The following ANXA6 variants were observed in gnomAD, a reference collection of about 807,000 sequenced individuals.
ANXA6 encodes annexin A6, also known as 67 kDa calelectrin.
A neutral mutation model predicts 95.4 loss-of-function variants in ANXA6; 71 were observed. The ratio of observed to expected loss-of-function variants is 0.74; its 90% confidence interval spans 0.61 to 0.91. The LOEUF is 0.91. Ranked by LOEUF, ANXA6 falls within the 40% of genes least tolerant of loss-of-function variation. The probability of loss-of-function intolerance (pLI) is 0.00; values close to 1 mark genes in which losing one functional copy is unlikely to be tolerated. For synonymous variants in ANXA6, 289 were observed against 315.9 expected (o/e 0.91, Z 0.90); for missense variants, 830 against 876.4 (o/e 0.95, Z 0.67).
chr5:151,147,957 C>T (rs1433675608), intron 1 of ANXA6, 31 bp from the exon 2 acceptor site: 2 of 1,565,840 alleles, frequency 1.3e-6, no homozygotes, highest in East Asian at 2.3e-5. Flanking sequence ...ATGTGAGATT[C>T]CCCCCAACTC....
chr5:151,122,373 TTG>T (rs2113916429), intron 16 of ANXA6, 113 bp from the exon 17 acceptor site: 7 of 652,304 alleles, frequency 1.1e-5, no homozygotes, highest in Non-Finnish European at 1.8e-5. Context: ...TCATGGAAGC[TTG>T]TGTCTGTCTT....
rs912733266 is a variant in ANXA6 at position 151,136,251 on chromosome 5, C to T, written c.489+5G>A. 3.1e-6 allele frequency: 5 copies of T among 1,613,710 alleles called. No individual in the cohort carries two copies. The South Asian group carries it at 3.3e-5, about 11-fold the overall frequency. On this transcript the variant is annotated splice_donor_5th_base_variant and intron_variant, in intron 7 of 25. Transcript: ENST00000354546. ...CCAGAGGAAAAAAATAGGCTGTGAACCAACCTGGAGCAGGACCACAAGCAT... is the reference window on the plus strand; with the variant it reads ...CCAGAGGAAAAAAATAGGCTGTGAATCAACCTGGAGCAGGACCACAAGCAT...
chr5:151,157,142 A>G (rs1168513525), intron 1 of ANXA6, among the ~76,000 whole-genome samples: 1 of 152,142 alleles, frequency 6.6e-6, no homozygotes, highest in Non-Finnish European at 1.5e-5. Context: ...ATGGGGTCCA[A>G]TGAGGCCCTG....
chr5:151,108,425 C>T (rs758070455), intron 23 of ANXA6, 30 bp downstream of exon 23: 1 of 1,592,768 alleles, frequency 6.3e-7, no homozygotes. Context: ...CCCAGTGCCC[C>T]CAGCCCTTCC....
At chr5:151,151,866 T>C (rs1256580685) in intron 1 of ANXA6, among the ~76,000 whole-genome samples, 3 of 152,212 alleles carry the variant, frequency 2.0e-5, no homozygotes, top group Non-Finnish European at 4.4e-5. Context: ...CCTGATTCTC[T>C]CAGATCTAGA....
chr5:151,107,842 C>A (rs539310003), intron 23 of ANXA6, among the ~76,000 whole-genome samples: 8 of 152,064 alleles, frequency 5.3e-5, no homozygotes, highest in African/African-American at 1.9e-4. Context: ...TGAGAGGAGA[C>A]GAGGGTCTGT....
At chr5:151,152,212 G>A (rs1323625039) in intron 1 of ANXA6, among the ~76,000 whole-genome samples, 1 of 152,252 alleles carries the variant, frequency 6.6e-6, no homozygotes, top group African/African-American at 2.4e-5. Context: ...GCAAAATGCA[G>A]ATAGAAATAC....
chr5:151,117,317 C>T (rs1765029215), intron 19 of ANXA6, 137 bp from the exon 20 acceptor site: 2 of 795,110 alleles, frequency 2.5e-6, no homozygotes, highest in Non-Finnish European at 3.8e-6. Flanking sequence ...AATCCTGCCT[C>T]TATAAGGTAG....
In ANXA6 at chr5:151,101,010, C is replaced by T; in HGVS notation, c.*438G>A. 1 of 460,564 alleles carries T rather than the reference C, an allele frequency of 2.2e-6. No homozygotes were observed. Among genetic ancestry groups the T allele is most frequent in the Admixed American group, 2.3e-5 (1 of 42,694 alleles). 28.5% of individuals were successfully genotyped at this position (460,564 alleles called of 1,614,324 possible). A position where few individuals can be genotyped will look rare whatever the true frequency, so the allele number is the denominator to read the frequency against. ...ATGGATGGGAAGATTTGTCAGTTTGCCCCAGCACATTTACTATCCTTCCCA... is the reference window on the plus strand; with the variant it reads ...ATGGATGGGAAGATTTGTCAGTTTGTCCCAGCACATTTACTATCCTTCCCA... On this transcript the variant is annotated 3_prime_UTR_variant, in exon 26 of 26. Coordinates refer to ENST00000354546, the MANE Select transcript of ANXA6 (RefSeq NM_001155.5).
chr5:151,134,665 TC>T, intron 7 of ANXA6, among the ~76,000 whole-genome samples, 182 bp from the exon 8 acceptor site: 1 of 152,236 alleles, frequency 6.6e-6, no homozygotes, highest in South Asian at 2.1e-4. Flanking sequence ...AAAGGGACCC[TC>T]CCTCTGGCCT....
At chr5:151,106,834 G>C (rs1039944935) in intron 23 of ANXA6, among the ~76,000 whole-genome samples, 1 of 152,212 alleles carries the variant, frequency 6.6e-6, no homozygotes, top group Non-Finnish European at 1.5e-5. Flanking sequence ...AACTGAGCCT[G>C]TCCATCTGTC....
intron 11 of ANXA6, among the ~76,000 whole-genome samples, chr5:151,130,456 T>C (rs574759796): frequency 6.6e-6 from 1 of 152,220 alleles, no homozygotes; most frequent in Non-Finnish European, 1.5e-5. Flanking sequence ...GGTCTTACTA[T>C]GTTGCCCAGG....
intron 15 of ANXA6, 137 bp from the exon 16 acceptor site, chr5:151,123,148 T>C (rs993420026): frequency 1.4e-6 from 1 of 713,472 alleles, no homozygotes; most frequent in Non-Finnish European, 2.4e-6. Context: ...CCTGAGTCCC[T>C]GCAGTCCGCT....
rs905652573 is a variant in ANXA6 at position 151,101,271 on chromosome 5, G to T, written c.*177C>A. ...AGCCGCTCAGCCGTGCTGGGCCCTC[G>T]ATGGCCCGTGGGAGTGGGAGCGTTT... On this transcript the variant is annotated 3_prime_UTR_variant, in exon 26 of 26. Transcript: ENST00000354546. 1.5e-6 allele frequency: 1 copy of T among 657,796 alleles called. No homozygotes were observed. The highest frequency in any genetic ancestry group is 1.8e-5 in the South Asian group (1 of 56,660). 40.7% of individuals were successfully genotyped at this position (657,796 alleles called of 1,614,324 possible).
chr5:151,152,943 G>A (rs1766142979), intron 1 of ANXA6, among the ~76,000 whole-genome samples: 1 of 152,088 alleles, frequency 6.6e-6, no homozygotes, highest in Non-Finnish European at 1.5e-5. Flanking sequence ...AACCAGGTGT[G>A]GTGGGAGGGT....
chr5:151,143,672 C>T (rs752339535), intron 2 of ANXA6, among the ~76,000 whole-genome samples: 1 of 152,080 alleles, frequency 6.6e-6, no homozygotes, highest in Non-Finnish European at 1.5e-5. Flanking sequence ...TATTTCCTTT[C>T]GAAGTTCCGG....
intron 23 of ANXA6, among the ~76,000 whole-genome samples, chr5:151,107,980 T>G (rs1447923424): frequency 6.8e-6 from 1 of 146,518 alleles, no homozygotes; most frequent in Non-Finnish European, 1.5e-5. Flanking sequence ...TAGTGTCTTG[T>G]GGGGGTGTAG....
chr5:151,152,921 G>T (rs531926463), intron 1 of ANXA6, among the ~76,000 whole-genome samples: 1 of 152,128 alleles, frequency 6.6e-6, no homozygotes, highest in Non-Finnish European at 1.5e-5. Context: ...GATGTTGAGC[G>T]TAAGGGGGTG....
At chr5:151,121,846 T>C (rs978174599) in intron 17 of ANXA6, among the ~76,000 whole-genome samples, 8 of 152,140 alleles carry the variant, frequency 5.3e-5, no homozygotes. Context: ...GCTGGCGGGA[T>C]GGACATATGC....
Sources: allele counts gnomAD v4.1 joint callset (sites outside exome capture counted in the v4.1 genomes callset), GRCh38; gene constraint gnomAD v4.1.1; transcripts MANE v1.5; gene names NCBI Gene and HGNC (gene_info 2026-07-23, HGNC 2026-07-21).